The following SH3GL2 variants were observed in gnomAD, a reference collection of about 807,000 sequenced individuals.
SH3GL2 encodes SH3 domain containing GRB2 like 2, endophilin A1.
SH3GL2 carries 24 observed loss-of-function variants against 46.0 expected under a neutral mutation model. The observed-to-expected ratio is 0.52, with a 90% CI of 0.38 to 0.73. The LOEUF (loss-of-function observed/expected upper bound fraction) is 0.73, where lower values mean the gene tolerates loss of function less well. Ranked by LOEUF, SH3GL2 falls within the 30% of genes least tolerant of loss-of-function variation. The pLI is 0.00. For synonymous variants in SH3GL2, 196 were observed against 147.1 expected (o/e 1.33, Z -2.40); for missense variants, 413 against 424.2 (o/e 0.97, Z 0.23).
chr9:17,659,504 T>G (rs751203799), intron 1 of SH3GL2, among the ~76,000 whole-genome samples: 3 of 152,096 alleles, frequency 2.0e-5, no homozygotes, highest in South Asian at 2.1e-4. Flanking sequence ...GTTGGAGAGA[T>G]ATTAATGAAT....
chr9:17,687,452 A>C (rs1820949437), intron 1 of SH3GL2, among the ~76,000 whole-genome samples: 1 of 109,250 alleles, frequency 9.2e-6, no homozygotes, highest in Admixed American at 1.1e-4. Flanking sequence ...ACTGTTTTTG[A>C]CTCTGTAACA....
rs370903340 is a variant in SH3GL2, at chr9:17,787,381, C to A, written c.333C>A (p.Gly111=). 1 of 1,612,436 alleles carries A rather than the reference C, an allele frequency of 6.2e-7. No individual in the cohort carries two copies. The highest frequency in any genetic ancestry group is 8.5e-7 in the Non-Finnish European group (1 of 1,178,902). The stretch of plus-strand genomic sequence containing the variant: ...TGAAAGAGCTTTATTCTCTCCTAGG[C>A]CCAGCACTTGGTGAGGTCGGGGAGG... The part of the protein sequence containing the change: ...GRELGDDCNF[G]PALGEVGEAM... The change falls in exon 5 of 9, where the codon GGC becomes GGA. Residue 111 remains glycine (G), a splice_region_variant and synonymous_variant. Coordinates refer to ENST00000380607, the MANE Select transcript of SH3GL2 (RefSeq NM_003026.5).
At chr9:17,602,653 C>G (rs1588166328) in intron 1 of SH3GL2, among the ~76,000 whole-genome samples, 1 of 152,116 alleles carries the variant, frequency 6.6e-6, no homozygotes, top group East Asian at 1.9e-4. Flanking sequence ...GGATTATAAA[C>G]AAAACGCTAA....
At chr9:17,670,232 C>A (rs1370248597) in intron 1 of SH3GL2, among the ~76,000 whole-genome samples, 3 of 152,202 alleles carry the variant, frequency 2.0e-5, no homozygotes, top group African/African-American at 7.2e-5. Context: ...CATGCAACTG[C>A]TGGCATCCCC....
chr9:17,772,524 CCA>C (rs1284708590), intron 3 of SH3GL2, among the ~76,000 whole-genome samples: 2 of 152,162 alleles, frequency 1.3e-5, no homozygotes. Context: ...CCGCTGGCTA[CCA>C]CCATTCTACT....
intron 1 of SH3GL2, among the ~76,000 whole-genome samples, chr9:17,600,394 A>G (rs954486802): frequency 3.8e-4 from 58 of 152,242 alleles, no homozygotes; most frequent in African/African-American, 1.3e-3. Context: ...GAGAATTTCA[A>G]ATAACCCACC....
intron 2 of SH3GL2, among the ~76,000 whole-genome samples, chr9:17,758,437 C>T (rs1005633349): frequency 6.6e-6 from 1 of 151,540 alleles, no homozygotes; most frequent in Non-Finnish European, 1.5e-5. Context: ...TGGTGCGTGC[C>T]TCTAGTCCCA....
chr9:17,603,191 A>G (rs549575079), intron 1 of SH3GL2, among the ~76,000 whole-genome samples: 16 of 152,312 alleles, frequency 1.1e-4, no homozygotes, highest in African/African-American at 3.1e-4. Context: ...TTTTGGATCA[A>G]TTTGTCTTAT....
At chr9:17,642,930 C>T (rs1234845591) in intron 1 of SH3GL2, among the ~76,000 whole-genome samples, 1 of 152,042 alleles carries the variant, frequency 6.6e-6, no homozygotes, top group East Asian at 1.9e-4. Context: ...TGAAGAAAGT[C>T]AATGGTAGTT....
chr9:17,732,014 G>T (rs981528486), intron 1 of SH3GL2, among the ~76,000 whole-genome samples: 2 of 152,136 alleles, frequency 1.3e-5, no homozygotes, highest in Non-Finnish European at 2.9e-5. Context: ...CTGTGATAGG[G>T]AAACAAGCAT....
chr9:17,579,507 C>G (rs1418476730), intron 1 of SH3GL2, among the ~76,000 whole-genome samples: 2 of 152,034 alleles, frequency 1.3e-5, no homozygotes, highest in African/African-American at 2.4e-5. Context: ...GCTGCCTTCC[C>G]GCGGGTCCCC....
chr9:17,676,084 G>C (rs183582794), intron 1 of SH3GL2, among the ~76,000 whole-genome samples: 1 of 152,188 alleles, frequency 6.6e-6, no homozygotes, highest in Non-Finnish European at 1.5e-5. Context: ...CAAAAGATTT[G>C]GCTAGAAGAA....
chr9:17,712,952 T>C (rs561532425), intron 1 of SH3GL2, among the ~76,000 whole-genome samples: 1 of 151,128 alleles, frequency 6.6e-6, no homozygotes, highest in South Asian at 2.1e-4. Context: ...TCTTGCCGTG[T>C]TCCTGATCAT....
At chr9:17,580,565 G>C (rs973170421) in intron 1 of SH3GL2, among the ~76,000 whole-genome samples, 6 of 152,140 alleles carry the variant, frequency 3.9e-5, no homozygotes, top group African/African-American at 9.7e-5. Context: ...GACTATTTCT[G>C]TAAAAATGTT....
intron 2 of SH3GL2, among the ~76,000 whole-genome samples, chr9:17,751,479 CGTGTGTGTGTGTGT>C (rs58212352): frequency 2.7e-5 from 4 of 146,364 alleles, no homozygotes; most frequent in Non-Finnish European, 6.0e-5. Context: ...TTTGTGTGTG[CGTGTGTGTGTGTGT>C]GTGTGTGTGT....
chr9:17,627,914 C>T (rs1040885509), intron 1 of SH3GL2, among the ~76,000 whole-genome samples: 3 of 152,192 alleles, frequency 2.0e-5, no homozygotes, highest in African/African-American at 4.8e-5. Context: ...TTAGCCTCCT[C>T]TCTGTTGTGT....
intron 1 of SH3GL2, among the ~76,000 whole-genome samples, chr9:17,624,216 C>T (rs1819224866): frequency 6.6e-6 from 1 of 152,188 alleles, no homozygotes; most frequent in Non-Finnish European, 1.5e-5. Context: ...AACCTGCAGG[C>T]ACCTTATGCC....
chr9:17,678,524 G>A (rs1820676589), intron 1 of SH3GL2, among the ~76,000 whole-genome samples: 2 of 152,140 alleles, frequency 1.3e-5, no homozygotes, highest in Admixed American at 6.5e-5. Context: ...GTAGATTGTG[G>A]ATATTAGCCC....
At chr9:17,691,424 G>C (rs1309258355) in intron 1 of SH3GL2, among the ~76,000 whole-genome samples, 1 of 152,020 alleles carries the variant, frequency 6.6e-6, no homozygotes, top group Non-Finnish European at 1.5e-5. Context: ...GTAATATATT[G>C]CTTAGAAAAA....
Sources: allele counts gnomAD v4.1 joint callset (sites outside exome capture counted in the v4.1 genomes callset), GRCh38; gene constraint gnomAD v4.1.1; transcripts MANE v1.5; gene names NCBI Gene and HGNC (gene_info 2026-07-23, HGNC 2026-07-21).